SMARCAD1: variants seen among roughly 807,000 people sequenced by gnomAD.
SMARCAD1 encodes the protein SWI/SNF-related matrix-associated actin-dependent regulator of chromatin subfamily A containing DEAD/H box 1.
A neutral mutation model predicts 127.1 loss-of-function variants in SMARCAD1; 25 were observed. That is an observed-to-expected ratio of 0.20 (90% confidence interval 0.14 to 0.27). The LOEUF (loss-of-function observed/expected upper bound fraction) is 0.27. Ranked by LOEUF, SMARCAD1 falls within the 10% of genes least tolerant of loss-of-function variation. SMARCAD1 has a pLI of 1.00. For missense variants in SMARCAD1, 807 were observed against 1,206.0 expected (o/e 0.67, Z 4.90); for synonymous variants, 400 against 396.9 (o/e 1.01, Z -0.09).
At chr4:94,278,335 G>A in intron 16 of SMARCAD1, 87 bp from the exon 17 acceptor site, 1 of 1,160,246 alleles carries the variant, frequency 8.6e-7, no homozygotes, top group South Asian at 1.3e-5. Context: ...ACTCTAATGA[G>A]GGAGATTTTT....
Position 94,283,110 on chromosome 4 carries a change from T to G in SMARCAD1, c.2727-11T>G, listed in dbSNP as rs1754351181. ...TTTAGTGAGATTTAACCTAATTTGT[T>G]TATCTTACAGGATTCATCTAATTGA... On this transcript the variant is annotated splice_polypyrimidine_tract_variant and intron_variant, in intron 21 of 23. Coordinates refer to ENST00000354268, the MANE Select transcript of SMARCAD1 (RefSeq NM_020159.5). The G allele has an allele frequency of 6.2e-7, 1 of 1,606,628 alleles. No individual in the cohort carries two copies. Among genetic ancestry groups the G allele is most frequent in the Non-Finnish European group, 8.5e-7 (1 of 1,174,532 alleles).
intron 5 of SMARCAD1, among the ~76,000 whole-genome samples, chr4:94,240,566 G>T (rs1323071155): frequency 6.6e-6 from 1 of 152,144 alleles, no homozygotes; most frequent in Non-Finnish European, 1.5e-5. Flanking sequence ...CTTGGTGGGG[G>T]TCAGCTTTAT....
intron 8 of SMARCAD1, among the ~76,000 whole-genome samples, chr4:94,251,356 A>G (rs1232550259): frequency 6.6e-6 from 1 of 152,206 alleles, no homozygotes; most frequent in Non-Finnish European, 1.5e-5. Context: ...TAACATACCT[A>G]AGGAAGAATC....
At chr4:94,268,545 G>GA (rs1310985066) in intron 10 of SMARCAD1, among the ~76,000 whole-genome samples, 1 of 152,090 alleles carries the variant, frequency 6.6e-6, no homozygotes, top group Non-Finnish European at 1.5e-5. Flanking sequence ...AAAAATAATG[G>GA]AAAACTCAGT....
chr4:94,239,923 A>G (rs1395473796), intron 5 of SMARCAD1, among the ~76,000 whole-genome samples: 2 of 152,180 alleles, frequency 1.3e-5, no homozygotes, highest in African/African-American at 4.8e-5. Context: ...TGATGTGGCA[A>G]GATTATCTGG....
chr4:94,252,319 A>G (rs1020095640), intron 8 of SMARCAD1, among the ~76,000 whole-genome samples: 2 of 152,208 alleles, frequency 1.3e-5, no homozygotes, highest in Non-Finnish European at 2.9e-5. Context: ...GCTGCTAGGA[A>G]TATCTGAGAC....
At chr4:94,252,513 T>C (rs1749430237) in intron 8 of SMARCAD1, 103 bp from the exon 9 acceptor site, 1 of 707,130 alleles carries the variant, frequency 1.4e-6, no homozygotes. Context: ...TGAATTCTTC[T>C]GTATTCAATA....
intron 5 of SMARCAD1, among the ~76,000 whole-genome samples, chr4:94,237,950 T>C (rs1483867179): frequency 1.3e-5 from 2 of 152,178 alleles, no homozygotes; most frequent in African/African-American, 4.8e-5. Context: ...TGTCCTTTTG[T>C]TAAAGGTTAT....
At chr4:94,213,904 T>C (rs1472085783) in intron 2 of SMARCAD1, among the ~76,000 whole-genome samples, 2 of 152,286 alleles carry the variant, frequency 1.3e-5, no homozygotes, top group East Asian at 3.9e-4. Flanking sequence ...GACTCATCAA[T>C]GTCCTAAGCA....
intron 2 of SMARCAD1, among the ~76,000 whole-genome samples, chr4:94,221,349 A>C (rs1429250091): frequency 6.6e-6 from 1 of 152,256 alleles, no homozygotes; most frequent in Admixed American, 6.5e-5. Context: ...GTTTTAACGT[A>C]ATAGAATGCA....
chr4:94,283,774 G>A (rs1754449450), intron 22 of SMARCAD1, among the ~76,000 whole-genome samples: 2 of 151,946 alleles, frequency 1.3e-5, no homozygotes, highest in South Asian at 2.1e-4. Context: ...GCAGTGAGCC[G>A]AGATCACCAC....
chr4:94,216,833 A>C (rs140778263), intron 2 of SMARCAD1, among the ~76,000 whole-genome samples: 2 of 152,176 alleles, frequency 1.3e-5, no homozygotes, highest in East Asian at 3.8e-4. Context: ...TCATCCATCA[A>C]TGGGCACTTG....
chr4:94,257,067 CTG>C (rs1312680227), intron 9 of SMARCAD1, among the ~76,000 whole-genome samples: 2 of 152,094 alleles, frequency 1.3e-5, no homozygotes, highest in African/African-American at 2.4e-5. Context: ...CAGATGCTGA[CTG>C]TTTTTGAAAG....
chr4:94,229,239 A>G (rs905123066), intron 3 of SMARCAD1, among the ~76,000 whole-genome samples: 3 of 152,086 alleles, frequency 2.0e-5, no homozygotes, highest in Admixed American at 2.0e-4. Flanking sequence ...TGTAGTATCT[A>G]TTGATTTTTG....
intron 2 of SMARCAD1, 102 bp from the exon 3 acceptor site, chr4:94,226,017 A>G: frequency 9.9e-7 from 1 of 1,009,282 alleles, no homozygotes; most frequent in Non-Finnish European, 1.5e-6. Flanking sequence ...TTTAGATTGG[A>G]AACAATGAAT....
chr4:94,237,646 T>TAC (rs1746893707), intron 5 of SMARCAD1, among the ~76,000 whole-genome samples: 2 of 152,162 alleles, frequency 1.3e-5, no homozygotes, highest in African/African-American at 4.8e-5. Context: ...TACACTGGCA[T>TAC]ACAACACACA....
chr4:94,251,506 A>G (rs1749266889), intron 8 of SMARCAD1, among the ~76,000 whole-genome samples: 1 of 152,196 alleles, frequency 6.6e-6, no homozygotes, highest in Admixed American at 6.5e-5. Context: ...AGAAAATGAT[A>G]TTCTGTGGCA....
Position 94,226,149 on chromosome 4 carries a change from A to G in SMARCAD1, c.221A>G (p.Asn74Ser). 1 of 1,611,448 alleles carries G rather than the reference A, an allele frequency of 6.2e-7. No homozygotes were observed. The highest frequency in any genetic ancestry group is 8.5e-7 in the Non-Finnish European group (1 of 1,178,018). The change falls in exon 3 of 24, where the codon AAT (asparagine) becomes AGT (serine). Residue 74 changes from asparagine to serine, a missense_variant. Physicochemically the swap from Asn to Ser is conservative, Grantham distance 46. Transcript: ENST00000354268. ...EDSSVPETPD[N>S]ERKASISYFK... ...TCTAGTGTTCCAGAAACTCCAGATA[A>G]TGAAAGAAAAGCAAGTATATCATAT...
intron 2 of SMARCAD1, among the ~76,000 whole-genome samples, chr4:94,224,801 T>G (rs995903562): frequency 6.6e-6 from 1 of 152,218 alleles, no homozygotes; most frequent in Non-Finnish European, 1.5e-5. Flanking sequence ...CTCTCAGGGT[T>G]TATTTCTCTC....
Sources: gnomAD v4.1 joint callset for allele counts (sites outside exome capture counted in the v4.1 genomes callset) on GRCh38, gnomAD v4.1.1 for gene constraint, MANE v1.5 for transcripts, NCBI Gene and HGNC (gene_info 2026-07-23, HGNC 2026-07-21) for gene names.